The following TRIM71 variants were observed in gnomAD, a reference collection of about 807,000 sequenced individuals.
TRIM71 encodes the protein E3 ubiquitin-protein ligase TRIM71.
TRIM71 carries 9 observed loss-of-function variants against 61.2 expected under a neutral mutation model. The ratio of observed to expected loss-of-function variants is 0.15; its 90% confidence interval spans 0.09 to 0.26. TRIM71 has a LOEUF of 0.26. Among genes scored for constraint, TRIM71 ranks in the 10% least tolerant of loss-of-function variants. The pLI is 1.00. For synonymous variants in TRIM71, 645 were observed against 553.2 expected (o/e 1.17, Z -2.33); for missense variants, 998 against 1,238.7 (o/e 0.81, Z 2.92).
Position 32,818,048 on chromosome 3 carries a change from C to G in TRIM71, c.-33C>G. 1 of 1,601,392 alleles carries G rather than the reference C, an allele frequency of 6.2e-7. No individual in the cohort carries two copies. Among genetic ancestry groups the G allele is most frequent in the Non-Finnish European group, 8.5e-7 (1 of 1,171,026 alleles). Reference sequence around the variant, plus strand: ...CTCCTCCTCCTCCTCCTCTTCCTCTCTGGTCTCCTCCCTCCTCCGGGCTGG... The same window carrying G: ...CTCCTCCTCCTCCTCCTCTTCCTCTGTGGTCTCCTCCCTCCTCCGGGCTGG... On this transcript the variant is annotated 5_prime_UTR_variant, in exon 1 of 4. Coordinates refer to ENST00000383763, the MANE Select transcript of TRIM71 (RefSeq NM_001039111.3).
intron 3 of TRIM71, among the ~76,000 whole-genome samples, chr3:32,889,241 A>G (rs1358101588): frequency 1.3e-5 from 2 of 151,988 alleles, no homozygotes; most frequent in Non-Finnish European, 2.9e-5. Context: ...TCCTTTGTCA[A>G]ATGGCTGTTT....
At chr3:32,830,100 T>G (rs1696252897) in intron 1 of TRIM71, among the ~76,000 whole-genome samples, 1 of 151,970 alleles carries the variant, frequency 6.6e-6, no homozygotes, top group Non-Finnish European at 1.5e-5. Flanking sequence ...ATTTTGTATT[T>G]TTAGTAGAGA....
In TRIM71 at chr3:32,897,471, C is replaced by T. The variant is rs1023714020; in HGVS notation, c.*5660C>T. Reference sequence around the variant, plus strand: ...GGGTGGGGAAATGAAGATTTCCCCCCAAACCTTTAGGCAAAAGTGAGTTTT... The same window carrying T: ...GGGTGGGGAAATGAAGATTTCCCCCTAAACCTTTAGGCAAAAGTGAGTTTT... On this transcript the variant is annotated 3_prime_UTR_variant, in exon 4 of 4. Coordinates refer to ENST00000383763, the MANE Select transcript of TRIM71 (RefSeq NM_001039111.3). 1 of 152,132 alleles carries T rather than the reference C, an allele frequency of 6.6e-6. No homozygotes were observed. Among genetic ancestry groups the T allele is most frequent in the Non-Finnish European group, 1.5e-5 (1 of 68,032 alleles). The allele number at this position is 152,132 out of a possible 1,614,324, so 9.4% of individuals were successfully genotyped here. A position where few individuals can be genotyped will look rare whatever the true frequency, so the allele number is the denominator to read the frequency against.
At chr3:32,858,260 C>T (rs1476071923) in intron 1 of TRIM71, among the ~76,000 whole-genome samples, 2 of 152,106 alleles carry the variant, frequency 1.3e-5, no homozygotes, top group East Asian at 1.9e-4. Context: ...CCAAATCAGG[C>T]CATGGGTGAG....
At chr3:32,856,865 T>G (rs138817436) in intron 1 of TRIM71, among the ~76,000 whole-genome samples, 33 of 152,324 alleles carry the variant, frequency 2.2e-4, no homozygotes, top group African/African-American at 7.5e-4. Context: ...TTTCTGGAAC[T>G]GCCACGGACA....
At position 32,897,043 on chromosome 3, in the gene TRIM71, G is replaced by GT. The variant is rs1422401217; in HGVS notation, c.*5238dup. ...TAAGGGTGGGTGGGTAAGGGGTGTT[G>GT]TTTTTTAACTAGCATGTTAGTTATA... On this transcript the variant is annotated 3_prime_UTR_variant, in exon 4 of 4. Transcript: ENST00000383763. The GT allele has an allele frequency of 3.5e-3, 88 of 25,230 alleles. No homozygotes were observed. The highest frequency in any genetic ancestry group is 0.013 in the African/African-American group (78 of 5,922). The allele number at this position is 25,230 out of a possible 1,614,324, so 1.6% of individuals were successfully genotyped here. A position where few individuals can be genotyped will look rare whatever the true frequency, so the allele number is the denominator to read the frequency against.
In TRIM71 at chr3:32,818,199, C is replaced by G; in HGVS notation, c.119C>G (p.Thr40Arg). 5.1e-6 allele frequency: 8 copies of G among 1,574,896 alleles called. No individual in the cohort carries two copies. Among genetic ancestry groups the G allele is most frequent in the Non-Finnish European group, 6.9e-6 (8 of 1,164,228 alleles). ...SASSSSSQTS[T>R]SSGGGGGGPG... ...TCGTCGTCCTCCTCGCAGACGTCCA[C>G]GTCGTCGGGGGGCGGCGGCGGGGGC... Residue 40 changes from threonine (T) to arginine (R), a missense_variant, in exon 1 of 4, where the codon ACG becomes AGG. Transcript: ENST00000383763.
intron 1 of TRIM71, among the ~76,000 whole-genome samples, chr3:32,857,800 GTC>G (rs1236978040): frequency 2.6e-5 from 4 of 152,118 alleles, no homozygotes; most frequent in Non-Finnish European, 4.4e-5. Context: ...GCGAAACCGT[GTC>G]TGTACTAAAA....
At position 32,890,329 on chromosome 3, in the gene TRIM71, T is replaced by A. The variant is rs1697010718; in HGVS notation, c.1156-31T>A. 1.3e-6 allele frequency: 2 copies of A among 1,593,386 alleles called. No individual in the cohort carries two copies. The highest frequency in any genetic ancestry group is 2.7e-5 in the African/African-American group (2 of 74,594). ...TTCTGTGCTTGGCTCTAAGCCTCTG[T>A]GTCTTTCTCCACTCTTGCTTTTCCC... On this transcript the variant is annotated intron_variant, in intron 3 of 3. Transcript: ENST00000383763. This position sits in a 1 kb window ranked among gnomAD's most constrained non-coding sequence, Gnocchi z 6.2.
intron 1 of TRIM71, among the ~76,000 whole-genome samples, chr3:32,861,240 C>T (rs575371802): frequency 2.4e-4 from 37 of 151,154 alleles, no homozygotes; most frequent in Middle Eastern, 3.4e-3. Flanking sequence ...TGCAGTGGCA[C>T]GATCTCGGCT....
At chr3:32,881,484 T>C (rs1443635848) in intron 2 of TRIM71, among the ~76,000 whole-genome samples, 1 of 152,208 alleles carries the variant, frequency 6.6e-6, no homozygotes, top group African/African-American at 2.4e-5. Context: ...ATTCTTTCCC[T>C]TGAGAGCCAG....
At chr3:32,873,063 T>C (rs73044199) in intron 1 of TRIM71, among the ~76,000 whole-genome samples, 7,337 of 83,416 alleles carry the variant, frequency 0.088, 336 homozygotes, top group Non-Finnish European at 0.1. Flanking sequence ...TTCTCTCTCT[T>C]CCTCCCTCCC....
chr3:32,857,354 G>T (rs1314165672), intron 1 of TRIM71, among the ~76,000 whole-genome samples: 1 of 152,206 alleles, frequency 6.6e-6, no homozygotes, highest in Non-Finnish European at 1.5e-5. Flanking sequence ...TGCTACTGCA[G>T]TGTCTCCTAG....
At chr3:32,861,424 G>T (rs1696667063) in intron 1 of TRIM71, among the ~76,000 whole-genome samples, 1 of 148,290 alleles carries the variant, frequency 6.7e-6, no homozygotes, top group African/African-American at 2.5e-5. Flanking sequence ...GAGCCACCGT[G>T]CCCAGCCAAT....
At chr3:32,841,238 CTG>C (rs1246547475) in intron 1 of TRIM71, among the ~76,000 whole-genome samples, 2 of 151,886 alleles carry the variant, frequency 1.3e-5, no homozygotes, top group East Asian at 3.9e-4. Context: ...GAGCGAGACT[CTG>C]TCTCAAAAAA....
chr3:32,852,036 T>C (rs1030363684), intron 1 of TRIM71, among the ~76,000 whole-genome samples: 1 of 152,150 alleles, frequency 6.6e-6, no homozygotes, highest in African/African-American at 2.4e-5. Flanking sequence ...CCCAAAACCC[T>C]CTGGAGCGTG....
At chr3:32,886,703 C>CA (rs1332376589) in intron 3 of TRIM71, among the ~76,000 whole-genome samples, 1 of 152,180 alleles carries the variant, frequency 6.6e-6, no homozygotes, top group African/African-American at 2.4e-5. Flanking sequence ...TCTCTGAACA[C>CA]ACGAAAAAGA....
In TRIM71 at chr3:32,886,155, A is replaced by C. The variant is rs1402358230; in HGVS notation, c.1155+87A>C. The C allele has an allele frequency of 2.1e-6, 3 of 1,433,346 alleles. No homozygotes were observed. The African/African-American group carries it at 4.3e-5, about 21-fold the overall frequency. 88.8% of individuals were successfully genotyped at this position (1,433,346 alleles called of 1,614,324 possible). On this transcript the variant is annotated intron_variant, in intron 3 of 3. Transcript: ENST00000383763. Reference sequence around the variant, plus strand: ...ACTCTACGGGACTCTTTACAGATCCAGGAGCCAAGCTCTAAGTTTAAAACA... The same window carrying C: ...ACTCTACGGGACTCTTTACAGATCCCGGAGCCAAGCTCTAAGTTTAAAACA...
chr3:32,845,733 A>G (rs1275437523), intron 1 of TRIM71, among the ~76,000 whole-genome samples: 1 of 146,590 alleles, frequency 6.8e-6, no homozygotes, highest in Non-Finnish European at 1.5e-5. Context: ...TTTTTTTTTG[A>G]AACAGAGTCT....
Sources: allele counts gnomAD v4.1 joint callset (sites outside exome capture counted in the v4.1 genomes callset), GRCh38; gene constraint gnomAD v4.1.1; non-coding constraint Gnocchi (gnomAD v3.1); transcripts MANE v1.5; gene names NCBI Gene and HGNC (gene_info 2026-07-23, HGNC 2026-07-21).